The following NRP1 variants were observed in gnomAD, a reference collection of about 807,000 sequenced individuals.
The protein encoded by NRP1 is neuropilin 1.
Under a neutral mutation model 106.7 loss-of-function variants are expected in NRP1, and 35 were observed. The observed-to-expected ratio is 0.33, with a 90% confidence interval of 0.25 to 0.43. NRP1 has a LOEUF of 0.43. Among genes scored for constraint, NRP1 ranks in the 20% least tolerant of loss-of-function variants. The pLI is 1.00. For missense variants in NRP1, 1,024 were observed against 1,170.4 expected (o/e 0.87, Z 1.83); for synonymous variants, 437 against 417.9 (o/e 1.05, Z -0.56).
intron 2 of NRP1, among the ~76,000 whole-genome samples, chr10:33,325,796 A>G (rs1189930341): frequency 2.6e-5 from 4 of 152,216 alleles, no homozygotes; most frequent in Admixed American, 2.6e-4. Context: ...CTTTGAACGC[A>G]CTGAGTTAGG....
chr10:33,254,275 A>G (rs1421951290), intron 5 of NRP1, 81 bp from the exon 6 acceptor site: 3 of 1,251,346 alleles, frequency 2.4e-6, no homozygotes, highest in Non-Finnish European at 3.3e-6. Flanking sequence ...TGATACACCA[A>G]AGAGTTCTTT....
intron 2 of NRP1, among the ~76,000 whole-genome samples, chr10:33,304,034 T>C (rs1450540840): frequency 6.6e-6 from 1 of 152,202 alleles, no homozygotes; most frequent in Admixed American, 6.5e-5. Context: ...AGCTATAAAT[T>C]GGGGATTCAA....
chr10:33,294,761 A>G (rs1268606640), intron 2 of NRP1, among the ~76,000 whole-genome samples: 1 of 152,190 alleles, frequency 6.6e-6, no homozygotes, highest in Non-Finnish European at 1.5e-5. Flanking sequence ...ACCAGGCGTA[A>G]GGGAACCTGG....
chr10:33,190,788 G>T (rs1420798714), intron 13 of NRP1, among the ~76,000 whole-genome samples: 1 of 152,140 alleles, frequency 6.6e-6, no homozygotes, highest in Non-Finnish European at 1.5e-5. Flanking sequence ...ATGTGTGTGT[G>T]TGTATGTGTG....
intron 6 of NRP1, among the ~76,000 whole-genome samples, chr10:33,240,426 C>T (rs1840924158): frequency 6.6e-6 from 1 of 152,312 alleles, no homozygotes; most frequent in Admixed American, 6.5e-5. Context: ...CCAGCACAAA[C>T]AAATGCGTTG....
chr10:33,324,347 G>A (rs576571993), intron 2 of NRP1, among the ~76,000 whole-genome samples: 10 of 152,264 alleles, frequency 6.6e-5, no homozygotes, highest in African/African-American at 2.2e-4. Flanking sequence ...GAGCTTGGTG[G>A]TGGTGCCTCT....
At chr10:33,245,174 A>T (rs903232443) in intron 6 of NRP1, among the ~76,000 whole-genome samples, 2 of 152,090 alleles carry the variant, frequency 1.3e-5, no homozygotes, top group Non-Finnish European at 1.5e-5. Context: ...ACAACAATGA[A>T]TTTTTTTCTT....
chr10:33,307,436 G>A (rs866910356), intron 2 of NRP1, among the ~76,000 whole-genome samples: 2 of 151,988 alleles, frequency 1.3e-5, no homozygotes, highest in East Asian at 1.9e-4. Context: ...CTATCTGGCC[G>A]TTTTCAGAAA....
intron 12 of NRP1, among the ~76,000 whole-genome samples, chr10:33,195,020 T>C (rs1381197172): frequency 6.6e-6 from 1 of 152,200 alleles, no homozygotes; most frequent in Non-Finnish European, 1.5e-5. Context: ...TTCTTGACTC[T>C]TAAAAATAGC....
intron 8 of NRP1, among the ~76,000 whole-genome samples, chr10:33,214,190 A>G (rs943546103): frequency 6.6e-6 from 1 of 152,198 alleles, no homozygotes; most frequent in African/African-American, 2.4e-5. Context: ...GAGGTAATAG[A>G]GGACCTCCCA....
intron 6 of NRP1, among the ~76,000 whole-genome samples, chr10:33,233,965 C>T (rs988661818): frequency 6.6e-6 from 1 of 152,120 alleles, no homozygotes; most frequent in Non-Finnish European, 1.5e-5. Context: ...CAGTACCTGA[C>T]CATTGTGCTC....
chr10:33,281,267 C>G (rs1282405621), intron 2 of NRP1, among the ~76,000 whole-genome samples: 1 of 152,140 alleles, frequency 6.6e-6, no homozygotes, highest in Non-Finnish European at 1.5e-5. Flanking sequence ...CCAGGCTGGT[C>G]TTGTACTCTT....
chr10:33,237,489 A>G (rs11593186), intron 6 of NRP1, among the ~76,000 whole-genome samples: 19,181 of 96,498 alleles, frequency 0.2, 1,338 homozygotes, highest in Admixed American at 0.29. Flanking sequence ...ATGCGCGCGC[A>G]CACACACACA....
At chr10:33,249,550 C>A in intron 6 of NRP1, 1 of 517,382 alleles carries the variant, frequency 1.9e-6, no homozygotes, top group Non-Finnish European at 3.9e-6. Context: ...ATTTTGCATC[C>A]TAGAATGATT....
chr10:33,308,703 G>C (rs1232711753), intron 2 of NRP1, among the ~76,000 whole-genome samples: 3 of 151,970 alleles, frequency 2.0e-5, no homozygotes, highest in African/African-American at 7.2e-5. Flanking sequence ...TGGCCTGGCT[G>C]GTCTTGAACT....
At chr10:33,318,045 T>C (rs1245860226) in intron 2 of NRP1, among the ~76,000 whole-genome samples, 1 of 152,176 alleles carries the variant, frequency 6.6e-6, no homozygotes, top group Non-Finnish European at 1.5e-5. Flanking sequence ...GGTCTTATTA[T>C]TTATAAATAT....
intron 2 of NRP1, among the ~76,000 whole-genome samples, chr10:33,291,637 G>A (rs1016097452): frequency 6.6e-6 from 1 of 152,188 alleles, no homozygotes; most frequent in Non-Finnish European, 1.5e-5. Context: ...ATTTTTGATA[G>A]ATATGGTGTT....
At position 33,202,641 on chromosome 10, in the gene NRP1, T is replaced by G. The variant is rs758780625; in HGVS notation, c.1864+250A>C. 5.2e-6 allele frequency: 8 copies of G among 1,529,604 alleles called. No homozygotes were observed. In the South Asian group the frequency reaches 9.8e-5, roughly 19 times the overall value. 94.8% of individuals were successfully genotyped at this position (1,529,604 alleles called of 1,614,324 possible). A position where few individuals can be genotyped will look rare whatever the true frequency, so the allele number is the denominator to read the frequency against. ...AGCCATGGGGAAATTCTTATTCAAT[T>G]AAGATAATCCTAGCCTTTGGCTCTC... On this transcript the variant is annotated intron_variant, in intron 11 of 16. Transcript: ENST00000374867.
chr10:33,230,122 G>T (rs1839991689), intron 6 of NRP1, among the ~76,000 whole-genome samples: 1 of 152,104 alleles, frequency 6.6e-6, no homozygotes, highest in African/African-American at 2.4e-5. Flanking sequence ...CTAAGACCAG[G>T]GAAGTTCTTT....
Sources: gnomAD v4.1 joint callset for allele counts (sites outside exome capture counted in the v4.1 genomes callset) on GRCh38, gnomAD v4.1.1 for gene constraint, MANE v1.5 for transcripts, NCBI Gene and HGNC (gene_info 2026-07-23, HGNC 2026-07-21) for gene names.